Variants in TM2D1 observed in about 807,000 individuals in gnomAD.
The protein encoded by TM2D1 is TM2 domain containing 1, also known as TM2 domain-containing protein 1.
TM2D1 carries 15 observed loss-of-function variants against 28.4 expected under a neutral mutation model. That is an observed-to-expected ratio of 0.53 (90% CI 0.35 to 0.81). The LOEUF is 0.81. TM2D1 is among the 40% of genes least tolerant of loss of function. TM2D1 has a pLI of 0.01. For missense variants in TM2D1, 236 were observed against 254.9 expected (o/e 0.93, Z 0.50); for synonymous variants, 93 against 96.2 (o/e 0.97, Z 0.20).
chr1:61,696,556 AAAG>A (rs1644364503), intron 4 of TM2D1, among the ~76,000 whole-genome samples: 1 of 151,798 alleles, frequency 6.6e-6, no homozygotes, highest in Non-Finnish European at 1.5e-5. Context: ...AAAAAAAAAA[AAAG>A]AAAGAAAGAA....
At chr1:61,705,702 G>A (rs13375232) in intron 3 of TM2D1, among the ~76,000 whole-genome samples, 8,624 of 152,106 alleles carry the variant, frequency 0.057, 747 homozygotes, top group African/African-American at 0.19. Flanking sequence ...AGAAAGCAAA[G>A]CCAAAAGACG....
Position 61,681,231 on chromosome 1 carries a change from C to T in TM2D1, c.*139G>A, listed in dbSNP as rs1393534637. On this transcript the variant is annotated 3_prime_UTR_variant, in exon 7 of 7. Coordinates refer to ENST00000606498, the MANE Select transcript of TM2D1 (RefSeq NM_032027.3). ...AATCTCACAATAATATACTTTAACTCAACAAAACAAAAACCACAAAAAATT... is the reference window on the plus strand; with the variant it reads ...AATCTCACAATAATATACTTTAACTTAACAAAACAAAAACCACAAAAAATT... The T allele has an allele frequency of 2.6e-5, 4 of 152,582 alleles. No homozygotes were observed. The highest frequency in any genetic ancestry group is 3.9e-4 in the East Asian group (2 of 5,178). 9.5% of individuals were successfully genotyped at this position (152,582 alleles called of 1,614,324 possible). A position where few individuals can be genotyped will look rare whatever the true frequency, so the allele number is the denominator to read the frequency against.
chr1:61,717,349 C>G (rs1160246542), intron 2 of TM2D1, among the ~76,000 whole-genome samples: 1 of 149,612 alleles, frequency 6.7e-6, no homozygotes, highest in East Asian at 2.0e-4. Flanking sequence ...GCCTGGGAAA[C>G]AGAGCAAGAC....
At chr1:61,712,461 A>G (rs1570121303) in intron 2 of TM2D1, among the ~76,000 whole-genome samples, 1 of 152,152 alleles carries the variant, frequency 6.6e-6, no homozygotes, top group Non-Finnish European at 1.5e-5. Flanking sequence ...CACAGGCTGG[A>G]GTGCCCTGGT....
chr1:61,721,112 T>C (rs1362154269), intron 2 of TM2D1, among the ~76,000 whole-genome samples: 2 of 152,044 alleles, frequency 1.3e-5, no homozygotes, highest in African/African-American at 2.4e-5. Context: ...GTACCTGTAG[T>C]CCCAGCTACT....
chr1:61,691,711 T>C (rs559560457), intron 5 of TM2D1, among the ~76,000 whole-genome samples: 7 of 149,882 alleles, frequency 4.7e-5, no homozygotes, highest in African/African-American at 1.2e-4. Context: ...AGGTCAGGAG[T>C]TCGACACCGG....
At position 61,684,682 on chromosome 1, in the gene TM2D1, T is replaced by C. The variant is rs201901838; in HGVS notation, c.514-1136A>G. Among the ~76,000 whole-genome samples the C allele has an allele frequency of 2.7e-4, 41 of 152,228 alleles. No homozygotes were observed. The South Asian group carries it at 5.0e-3, about 18-fold the overall frequency. On this transcript the variant is annotated intron_variant, in intron 5 of 6. Transcript: ENST00000606498. Reference sequence around the variant, plus strand: ...TTTGATCAACTGTGTATCATTATTATAACAAGTTGATCCAAACAAAAAATC... The same window carrying C: ...TTTGATCAACTGTGTATCATTATTACAACAAGTTGATCCAAACAAAAAATC...
At chr1:61,703,945 G>A (rs549010669) in intron 3 of TM2D1, among the ~76,000 whole-genome samples, 16 of 150,074 alleles carry the variant, frequency 1.1e-4, no homozygotes, top group South Asian at 6.4e-4. Flanking sequence ...TTAGTAAGAC[G>A]GGGTTTCACC....
At chr1:61,711,977 C>G (rs1251549962) in intron 2 of TM2D1, among the ~76,000 whole-genome samples, 1 of 151,942 alleles carries the variant, frequency 6.6e-6, no homozygotes, top group African/African-American at 2.4e-5. Context: ...GGAGATCCTC[C>G]TGCCTCAGCC....
chr1:61,714,977 C>T (rs1644506251), intron 2 of TM2D1, among the ~76,000 whole-genome samples: 1 of 152,186 alleles, frequency 6.6e-6, no homozygotes, highest in African/African-American at 2.4e-5. Context: ...GAGAAAAAAG[C>T]CCAACACTCC....
chr1:61,691,938 T>A (rs912935523), intron 5 of TM2D1, among the ~76,000 whole-genome samples: 33,369 of 86,238 alleles, frequency 0.39, 6,181 homozygotes, highest in South Asian at 0.52. Context: ...AAAAAATATA[T>A]ATATATATAT....
intron 6 of TM2D1, among the ~76,000 whole-genome samples, chr1:61,682,229 A>G (rs147349594): frequency 7.2e-5 from 11 of 152,324 alleles, no homozygotes; most frequent in African/African-American, 2.6e-4. Flanking sequence ...TTTGAGATAG[A>G]GTTGACTGAA....
chr1:61,701,151 T>C (rs1644397709), intron 3 of TM2D1, 126 bp from the exon 4 acceptor site: 1 of 669,320 alleles, frequency 1.5e-6, no homozygotes, highest in African/African-American at 1.8e-5. Flanking sequence ...ATGCCTCCTG[T>C]GTGTCAGGCA....
intron 2 of TM2D1, among the ~76,000 whole-genome samples, chr1:61,720,039 A>C (rs1644551219): frequency 6.6e-6 from 1 of 152,222 alleles, no homozygotes; most frequent in African/African-American, 2.4e-5. Context: ...TCGTTTGTGA[A>C]AATCATCTGA....
At chr1:61,721,565 AAAAAG>A (rs901685685) in intron 2 of TM2D1, among the ~76,000 whole-genome samples, 4 of 151,766 alleles carry the variant, frequency 2.6e-5, no homozygotes, top group Admixed American at 6.6e-5. Flanking sequence ...AAGAAAAAAG[AAAAAG>A]AAAAGTAAAC....
chr1:61,712,218 T>C (rs1473789150), intron 2 of TM2D1, among the ~76,000 whole-genome samples: 1 of 152,106 alleles, frequency 6.6e-6, no homozygotes, highest in Non-Finnish European at 1.5e-5. Context: ...CAACAATGAA[T>C]TACCCAGTCC....
At chr1:61,713,488 C>CAAAAAAAAAAAAAAAAAAA (rs369601221) in intron 2 of TM2D1, among the ~76,000 whole-genome samples, 1 of 91,394 alleles carries the variant, frequency 1.1e-5, no homozygotes, top group Non-Finnish European at 2.2e-5. Context: ...AACTCAAAAA[C>CAAAAAAAAAAAAAAAAAAA]AAAAAAAAAA....
At chr1:61,682,906 A>G (rs918596544) in intron 6 of TM2D1, among the ~76,000 whole-genome samples, 14 of 151,652 alleles carry the variant, frequency 9.2e-5, no homozygotes, top group Non-Finnish European at 1.2e-4. Context: ...AAAAAAAAAA[A>G]AAAAGAAAAA....
chr1:61,724,650 C>T (rs972182413), intron 1 of TM2D1, among the ~76,000 whole-genome samples: 2 of 152,028 alleles, frequency 1.3e-5, no homozygotes, highest in African/African-American at 4.8e-5. Context: ...AGAACGGGGC[C>T]TGGCATACTT....
Sources: allele counts gnomAD v4.1 joint callset (sites outside exome capture counted in the v4.1 genomes callset), GRCh38; gene constraint gnomAD v4.1.1; transcripts MANE v1.5; gene names NCBI Gene and HGNC (gene_info 2026-07-23, HGNC 2026-07-21).